TLN2: variants seen among roughly 807,000 people sequenced by gnomAD.
TLN2 encodes the protein talin 2, also known as talin-2.
In TLN2, 118 loss-of-function variants were observed where a neutral mutation model predicts 294.7. The observed-to-expected ratio is 0.40, with a 90% CI of 0.34 to 0.47. The LOEUF (loss-of-function observed/expected upper bound fraction) is 0.47. Among genes scored for constraint, TLN2 ranks in the 20% least tolerant of loss-of-function variants. The probability of loss-of-function intolerance (pLI) is 0.84; values close to 1 mark genes in which losing one functional copy is unlikely to be tolerated. For missense variants in TLN2, 3,083 were observed against 3,282.2 expected (o/e 0.94, Z 1.48); for synonymous variants, 1,431 against 1,304.5 (o/e 1.10, Z -2.09).
chr15:62,768,744 A>G (rs2063172466), intron 41 of TLN2, among the ~76,000 whole-genome samples: 1 of 152,212 alleles, frequency 6.6e-6, no homozygotes, highest in Non-Finnish European at 1.5e-5. Flanking sequence ...AGCTCCCTAA[A>G]TACAGAGAAA....
intron 1 of TLN2, among the ~76,000 whole-genome samples, chr15:62,475,263 A>G (rs1032581062): frequency 7.2e-5 from 11 of 152,212 alleles, no homozygotes; most frequent in African/African-American, 2.2e-4. Context: ...AGCCGACTTA[A>G]TGGGGACATT....
chr15:62,444,576 C>T (rs944138599), intron 1 of TLN2, among the ~76,000 whole-genome samples: 1 of 152,250 alleles, frequency 6.6e-6, no homozygotes, highest in Non-Finnish European at 1.5e-5. Context: ...GGCACCAGCA[C>T]AAGGCTGTTA....
chr15:62,759,650 G>C (rs2062538025), intron 37 of TLN2, among the ~76,000 whole-genome samples: 1 of 152,200 alleles, frequency 6.6e-6, no homozygotes, highest in East Asian at 1.9e-4. Flanking sequence ...GCTTGGAGAG[G>C]TAAGAAGCAG....
intron 8 of TLN2, 112 bp downstream of exon 8, chr15:62,656,198 G>A (rs1461102581): frequency 1.1e-5 from 15 of 1,369,254 alleles, no homozygotes; most frequent in Middle Eastern, 1.9e-4. Flanking sequence ...TTATGGCGTC[G>A]TTTCCAGCAG....
At chr15:62,489,611 T>A (rs753186831) in intron 1 of TLN2, among the ~76,000 whole-genome samples, 3 of 152,192 alleles carry the variant, frequency 2.0e-5, no homozygotes, top group Non-Finnish European at 4.4e-5. Context: ...TCTCCTCCCT[T>A]TAAGGGACAG....
At position 62,838,963 on chromosome 15, in the gene TLN2, T is replaced by C. The variant is rs774330719; in HGVS notation, c.7482T>C (p.Phe2494=). The change falls in exon 58 of 59, where the codon TTT becomes TTC. Residue 2494 remains phenylalanine (F), a synonymous_variant. Coordinates refer to ENST00000636159, the MANE Select transcript of TLN2 (RefSeq NM_015059.3). ...DDDDVVVKTK[F]VGGIAQIIAA... is the part of the protein sequence containing the mutation. The stretch of plus-strand genomic sequence containing the variant: ...ACGATGTTGTAGTGAAAACCAAGTT[T>C]GTGGGGGGCATTGCTCAGGTTTGTA... 3.7e-6 allele frequency: 6 copies of C among 1,614,166 alleles called. No individual in the cohort carries two copies. The East Asian group carries it at 1.3e-4, about 36-fold the overall frequency.
intron 40 of TLN2, 68 bp downstream of exon 40, chr15:62,763,763 T>TG: frequency 6.7e-7 from 1 of 1,481,782 alleles, no homozygotes; most frequent in Non-Finnish European, 9.0e-7. Context: ...GCATCAGACT[T>TG]GGAGGGGTAG....
intron 1 of TLN2, among the ~76,000 whole-genome samples, chr15:62,589,183 G>C (rs765664798): frequency 1.2e-4 from 18 of 152,020 alleles, no homozygotes; most frequent in Admixed American, 2.6e-4. Context: ...CTTCAAATTG[G>C]GTTTCCATGG....
At chr15:62,470,581 GC>G (rs1251837189) in intron 1 of TLN2, among the ~76,000 whole-genome samples, 1 of 152,222 alleles carries the variant, frequency 6.6e-6, no homozygotes, top group Non-Finnish European at 1.5e-5. Flanking sequence ...TGATGCCCCT[GC>G]CCCCAGCAGC....
intron 2 of TLN2, among the ~76,000 whole-genome samples, chr15:62,616,510 C>A (rs1450853832): frequency 6.6e-6 from 1 of 152,176 alleles, no homozygotes; most frequent in African/African-American, 2.4e-5. Flanking sequence ...ATCGCTGCAG[C>A]CTCAACCTCC....
intron 52 of TLN2, 31 bp downstream of exon 52, chr15:62,810,063 G>GT: frequency 6.4e-7 from 1 of 1,564,592 alleles, no homozygotes; most frequent in South Asian, 1.1e-5. Flanking sequence ...GGGCTGGGGA[G>GT]TAGCTGTGTC....
At chr15:62,791,202 A>C (rs2065053093) in intron 45 of TLN2, among the ~76,000 whole-genome samples, 1 of 152,026 alleles carries the variant, frequency 6.6e-6, no homozygotes, top group African/African-American at 2.4e-5. Context: ...AAAAAATACA[A>C]AAATTAGCTG....
chr15:62,649,272 C>G (rs1247771339), intron 4 of TLN2, among the ~76,000 whole-genome samples: 1 of 150,448 alleles, frequency 6.6e-6, no homozygotes, highest in Non-Finnish European at 1.5e-5. Context: ...TTCCCTTTTT[C>G]TGTTGTTTTT....
In TLN2 at chr15:62,800,386, A is replaced by G. The variant is rs142197635; in HGVS notation, c.6253A>G (p.Ile2085Val). ...CTTTCAGGTGGTTTTGATCAATGCC[A>G]TCAAAGATGTGGCCAAGGCCCTTTC... ...PETQVVLINA[I>V]KDVAKALSDL... Residue 2085 changes from isoleucine (I) to valine (V), a missense_variant, in exon 49 of 59, where the codon ATC becomes GTC. Transcript: ENST00000636159. 6.3e-5 allele frequency: 101 copies of G among 1,613,976 alleles called. No individual in the cohort carries two copies. Among genetic ancestry groups the G allele is most frequent in the Non-Finnish European group, 8.3e-5 (98 of 1,180,032 alleles).
At position 62,800,381 on chromosome 15, in the gene TLN2, A is replaced by G. The variant is rs764680246; in HGVS notation, c.6248A>G (p.Asn2083Ser). ...GCTCTCTTTCAGGTGGTTTTGATCA[A>G]TGCCATCAAAGATGTGGCCAAGGCC... is the stretch of plus-strand genomic sequence containing the variant. ...DDPETQVVLI[N>S]AIKDVAKALS... The change falls in exon 49 of 59, where the codon AAT becomes AGT. Residue 2083 changes from asparagine (N) to serine (S), a missense_variant. By Grantham distance (46) the Asn-to-Ser change is conservative (BLOSUM62 1). Transcript: ENST00000636159. The G allele has an allele frequency of 1.7e-5, 27 of 1,613,906 alleles. No individual in the cohort carries two copies. The highest frequency in any genetic ancestry group is 5.0e-5 in the Admixed American group (3 of 59,988).
At chr15:62,722,174 A>G (rs200105320) in intron 25 of TLN2, among the ~76,000 whole-genome samples, 179 bp from the exon 26 acceptor site, 2 of 152,040 alleles carry the variant, frequency 1.3e-5, no homozygotes, top group East Asian at 3.9e-4. Context: ...CCTAGAAGGT[A>G]CTGCCCTAGA....
intron 1 of TLN2, among the ~76,000 whole-genome samples, chr15:62,580,935 G>A (rs1182711761): frequency 6.7e-6 from 1 of 149,708 alleles, no homozygotes; most frequent in East Asian, 2.0e-4. Context: ...CTAGGCTGGA[G>A]TGCAATGACA....
chr15:62,480,856 A>G (rs909362362), intron 1 of TLN2, among the ~76,000 whole-genome samples: 2 of 152,224 alleles, frequency 1.3e-5, no homozygotes, highest in Admixed American at 6.5e-5. Flanking sequence ...TAAAGTGTTC[A>G]GACCTTTCCT....
intron 1 of TLN2, among the ~76,000 whole-genome samples, chr15:62,447,357 G>T (rs558760110): frequency 6.6e-6 from 1 of 152,170 alleles, no homozygotes; most frequent in Non-Finnish European, 1.5e-5. Flanking sequence ...GGGAGAGGCT[G>T]GGAGGAGCAC....
Sources: allele counts gnomAD v4.1 joint callset (sites outside exome capture counted in the v4.1 genomes callset), GRCh38; gene constraint gnomAD v4.1.1; transcripts MANE v1.5; gene names NCBI Gene and HGNC (gene_info 2026-07-23, HGNC 2026-07-21).